The following JADE3 variants were observed in gnomAD, a reference collection of about 807,000 sequenced individuals.
JADE3 encodes the protein protein Jade-3.
In JADE3, 2 loss-of-function variants were observed where a neutral mutation model predicts 50.1. The observed-to-expected ratio is 0.04, with a 90% CI of 0.02 to 0.13. The LOEUF is 0.13. Ranked by LOEUF, JADE3 falls within the 10% of genes least tolerant of loss-of-function variation. JADE3 has a pLI of 1.00. For missense variants in JADE3, 475 were observed against 634.4 expected (o/e 0.75, Z 2.70); for synonymous variants, 218 against 232.9 (o/e 0.94, Z 0.58).
intron 6 of JADE3, among the ~76,000 whole-genome samples, chrX:47,031,400 T>C (rs1056597358): frequency 1.8e-5 from 2 of 111,643 alleles, no homozygotes. Context: ...ACATTTGTTT[T>C]ATCCAACCAC....
At chrX:47,033,214 T>C (rs1929059246) in intron 6 of JADE3, among the ~76,000 whole-genome samples, 1 of 112,371 alleles carries the variant, frequency 8.9e-6, no homozygotes, top group Non-Finnish European at 1.9e-5. Context: ...CTTTATTTTC[T>C]AAAACTTTTT....
At chrX:47,026,675 G>A (rs1253044023) in intron 5 of JADE3, among the ~76,000 whole-genome samples, 3 of 111,213 alleles carry the variant, frequency 2.7e-5, no homozygotes, top group Non-Finnish European at 5.7e-5. Flanking sequence ...AATATTAAGC[G>A]TATTATGAAT....
chrX:47,040,483 G>A (rs890667998), intron 8 of JADE3, among the ~76,000 whole-genome samples: 7 of 111,832 alleles, frequency 6.3e-5, no homozygotes, highest in African/African-American at 9.8e-5. Flanking sequence ...ATCTGTCACC[G>A]TCTCCCATCA....
At chrX:46,920,805 T>G (rs1481824652) in intron 1 of JADE3, among the ~76,000 whole-genome samples, 2 of 112,414 alleles carry the variant, frequency 1.8e-5, no homozygotes, top group African/African-American at 6.5e-5. Flanking sequence ...GGGCTCTCTG[T>G]TGCATTGATC....
chrX:46,973,464 G>T (rs782131341), intron 1 of JADE3, among the ~76,000 whole-genome samples: 1 of 112,360 alleles, frequency 8.9e-6, no homozygotes, highest in African/African-American at 3.2e-5. Flanking sequence ...TTTGTTAGGG[G>T]TGAGGAGAAG....
chrX:46,938,445 C>G (rs1372989978), intron 1 of JADE3, among the ~76,000 whole-genome samples: 2 of 111,531 alleles, frequency 1.8e-5, no homozygotes, highest in Non-Finnish European at 3.8e-5. Flanking sequence ...CCTTACCACC[C>G]TATAGGTCCC....
At chrX:47,043,773 C>G (rs1556370168) in intron 8 of JADE3, among the ~76,000 whole-genome samples, 1 of 103,707 alleles carries the variant, frequency 9.6e-6, no homozygotes, top group African/African-American at 3.6e-5. Flanking sequence ...GAGCCAAGAT[C>G]ATGCCACTGC....
At chrX:46,980,391 ATCT>A (rs1569536244) in intron 1 of JADE3, among the ~76,000 whole-genome samples, 1 of 111,511 alleles carries the variant, frequency 9.0e-6, no homozygotes, top group Non-Finnish European at 1.9e-5. Context: ...GTTTCTTCAC[ATCT>A]TCTCCAGCAT....
At chrX:47,030,899 A>T (rs782420172) in intron 6 of JADE3, among the ~76,000 whole-genome samples, 2 of 110,295 alleles carry the variant, frequency 1.8e-5, no homozygotes, top group Admixed American at 9.7e-5. Context: ...AAAATACAAA[A>T]ATGAGCTGGG....
At chrX:47,002,743 A>G (rs1012145158) in intron 4 of JADE3, among the ~76,000 whole-genome samples, 2 of 109,128 alleles carry the variant, frequency 1.8e-5, no homozygotes, top group African/African-American at 3.3e-5. Context: ...TTACCTGCAA[A>G]TAAAGATGGT....
chrX:47,019,772 A>G (rs1220430737), intron 4 of JADE3, among the ~76,000 whole-genome samples: 1 of 111,703 alleles, frequency 9.0e-6, no homozygotes, highest in African/African-American at 3.3e-5. Flanking sequence ...GAGTGACTGC[A>G]GTTACCTTTT....
chrX:46,921,457 A>G (rs1196344447), intron 1 of JADE3, among the ~76,000 whole-genome samples: 1 of 111,008 alleles, frequency 9.0e-6, no homozygotes, highest in East Asian at 2.8e-4. Context: ...AAAGCATTCC[A>G]TCTCTCACCA....
chrX:46,980,583 A>G (rs998058012), intron 1 of JADE3, among the ~76,000 whole-genome samples: 2 of 111,389 alleles, frequency 1.8e-5, no homozygotes, highest in African/African-American at 6.5e-5. Flanking sequence ...TGCCCTGGAT[A>G]TGCTTCTGAG....
chrX:47,023,285 AGCAG>A (rs1928836609), intron 4 of JADE3, among the ~76,000 whole-genome samples: 1 of 111,490 alleles, frequency 9.0e-6, no homozygotes, highest in East Asian at 2.8e-4. Context: ...ACTGACAGGC[AGCAG>A]TGTGTGTTGT....
chrX:46,919,973 A>G, intron 1 of JADE3, among the ~76,000 whole-genome samples: 1 of 110,885 alleles, frequency 9.0e-6, no homozygotes, highest in African/African-American at 3.3e-5. Context: ...AAAGATTGGT[A>G]ATATCCTAAG....
chrX:46,939,737 T>C (rs1054294031), intron 1 of JADE3, among the ~76,000 whole-genome samples: 7 of 111,983 alleles, frequency 6.3e-5, no homozygotes, highest in African/African-American at 1.3e-4. Context: ...GTCTAAATTT[T>C]CAGTTTCTTC....
intron 4 of JADE3, among the ~76,000 whole-genome samples, chrX:47,021,688 C>A (rs191979975): frequency 4.5e-4 from 51 of 112,441 alleles, no homozygotes; most frequent in Non-Finnish European, 8.8e-4. Flanking sequence ...TCCGTGATAA[C>A]TAATGAGGTT....
At chrX:46,971,397 T>C (rs1556350330) in intron 1 of JADE3, among the ~76,000 whole-genome samples, 1 of 108,812 alleles carries the variant, frequency 9.2e-6, no homozygotes, top group Non-Finnish European at 1.9e-5. Flanking sequence ...ATTACAGGCG[T>C]AAGCCCCCGT....
chrX:47,058,984 C>T lies in JADE3; in HGVS notation c.2379C>T (p.Ser793=). 2 of 1,209,583 alleles carry T rather than the reference C, an allele frequency of 1.7e-6. No homozygotes were observed. Among genetic ancestry groups the T allele is most frequent in the Non-Finnish European group, 2.2e-6 (2 of 894,029 alleles). ...AAAAAGTCAGGGTAAGGAAAGATAG[C>T]TCAGACAGGGAAAATCCTCCCCATG... ...NKEKVRVRKD[S]SDRENPPHDS... Residue 793 remains serine, a synonymous_variant, in exon 11 of 11, where the codon AGC becomes AGT. Transcript: ENST00000614628.
Sources: gnomAD v4.1 joint callset for allele counts (sites outside exome capture counted in the v4.1 genomes callset) on GRCh38, gnomAD v4.1.1 for gene constraint, MANE v1.5 for transcripts, NCBI Gene and HGNC (gene_info 2026-07-23, HGNC 2026-07-21) for gene names.